CSMD1: variants seen among roughly 807,000 people sequenced by gnomAD.
The protein encoded by CSMD1 is CUB and sushi domain-containing protein 1.
In CSMD1, 213 loss-of-function variants were observed where a neutral mutation model predicts 417.5. The ratio of observed to expected loss-of-function variants is 0.51; its 90% CI spans 0.46 to 0.57. The LOEUF (loss-of-function observed/expected upper bound fraction) is 0.57. Ranked by LOEUF, CSMD1 falls within the 20% of genes least tolerant of loss-of-function variation. The pLI, the probability that CSMD1 is intolerant of heterozygous loss-of-function variation, is 0.00. For synonymous variants in CSMD1, 2,862 were observed against 1,736.8 expected (o/e 1.65, Z -16.11); for missense variants, 6,923 against 4,529.7 (o/e 1.53, Z -15.17).
intron 10 of CSMD1, among the ~76,000 whole-genome samples, chr8:3,538,367 C>G (rs1293325700): frequency 6.6e-6 from 1 of 152,034 alleles, no homozygotes; most frequent in South Asian, 2.1e-4. Context: ...GGATGATGCA[C>G]CTGGGATTCC....
intron 2 of CSMD1, among the ~76,000 whole-genome samples, chr8:4,612,707 G>T (rs1207280494): frequency 6.6e-6 from 1 of 152,174 alleles, no homozygotes; most frequent in Non-Finnish European, 1.5e-5. Flanking sequence ...CACTCTCAGG[G>T]TATGGAGGCT....
chr8:4,440,312 G>A (rs1010395039), intron 2 of CSMD1, among the ~76,000 whole-genome samples: 2 of 152,102 alleles, frequency 1.3e-5, no homozygotes, highest in Non-Finnish European at 2.9e-5. Context: ...GGAATCAGCT[G>A]GAAAGTCTAT....
intron 26 of CSMD1, among the ~76,000 whole-genome samples, chr8:3,264,463 C>T (rs150124027): frequency 2.2e-4 from 33 of 152,174 alleles, no homozygotes; most frequent in African/African-American, 5.3e-4. Flanking sequence ...CAGTTTGAAT[C>T]GAGTGAGGTG....
chr8:3,908,411 T>C (rs1204336028), intron 5 of CSMD1, among the ~76,000 whole-genome samples: 2 of 152,212 alleles, frequency 1.3e-5, no homozygotes, highest in East Asian at 3.8e-4. Context: ...ATCAGCATTC[T>C]GTGGGAATGT....
chr8:3,700,860 G>T (rs550598403), intron 7 of CSMD1, among the ~76,000 whole-genome samples: 1 of 152,162 alleles, frequency 6.6e-6, no homozygotes, highest in African/African-American at 2.4e-5. Context: ...GACGGGAAAC[G>T]TTTGAGGGTC....
chr8:3,895,454 T>C (rs1312559633), intron 5 of CSMD1, among the ~76,000 whole-genome samples: 1 of 152,134 alleles, frequency 6.6e-6, no homozygotes, highest in African/African-American at 2.4e-5. Context: ...AATGTTTAAA[T>C]CTTAGCAGAC....
At chr8:4,313,728 G>A (rs1032120904) in intron 3 of CSMD1, among the ~76,000 whole-genome samples, 1 of 152,010 alleles carries the variant, frequency 6.6e-6, no homozygotes, top group Non-Finnish European at 1.5e-5. Context: ...AAAAAAAGCA[G>A]AACTAGGCCG....
At chr8:3,503,668 C>A (rs1459372971) in intron 10 of CSMD1, among the ~76,000 whole-genome samples, 2 of 152,184 alleles carry the variant, frequency 1.3e-5, no homozygotes, top group South Asian at 4.1e-4. Context: ...GAGAATTAGT[C>A]TCAGCTCAAG....
At chr8:4,986,886 T>G (rs568258174) in intron 1 of CSMD1, among the ~76,000 whole-genome samples, 2 of 152,310 alleles carry the variant, frequency 1.3e-5, no homozygotes, top group South Asian at 4.1e-4. Flanking sequence ...GAAAACGTTA[T>G]TAGATTTTGA....
chr8:4,613,287 C>T (rs923283673), intron 2 of CSMD1, among the ~76,000 whole-genome samples: 2 of 152,180 alleles, frequency 1.3e-5, no homozygotes, highest in African/African-American at 2.4e-5. Context: ...GCCATCCATG[C>T]TCCGAGTGCC....
At chr8:4,613,598 T>C (rs1214604996) in intron 2 of CSMD1, among the ~76,000 whole-genome samples, 1 of 152,170 alleles carries the variant, frequency 6.6e-6, no homozygotes, top group African/African-American at 2.4e-5. Context: ...CTTGGACTTT[T>C]TTCACCCTCT....
chr8:3,480,527 AT>A (rs1469462317), intron 11 of CSMD1, among the ~76,000 whole-genome samples: 4 of 152,224 alleles, frequency 2.6e-5, no homozygotes, highest in African/African-American at 9.6e-5. Context: ...ATTTAAAAAA[AT>A]AATTGCTGAA....
chr8:4,358,124 C>G (rs969212392), intron 3 of CSMD1, among the ~76,000 whole-genome samples: 4 of 152,054 alleles, frequency 2.6e-5, no homozygotes, highest in East Asian at 3.9e-4. Flanking sequence ...TTAATTTATT[C>G]TCAAAATTTA....
intron 2 of CSMD1, among the ~76,000 whole-genome samples, chr8:4,483,128 G>A (rs1477978875): frequency 6.6e-6 from 1 of 152,068 alleles, no homozygotes; most frequent in Non-Finnish European, 1.5e-5. Flanking sequence ...TCTCCTGGTG[G>A]TGGATAAGTC....
At chr8:4,791,509 C>T (rs569380301) in intron 1 of CSMD1, among the ~76,000 whole-genome samples, 1 of 152,262 alleles carries the variant, frequency 6.6e-6, no homozygotes, top group South Asian at 2.1e-4. Flanking sequence ...AACAAACAAT[C>T]CAATCCCCTA....
At chr8:4,948,868 T>C (rs1808546709) in intron 1 of CSMD1, among the ~76,000 whole-genome samples, 1 of 152,146 alleles carries the variant, frequency 6.6e-6, no homozygotes, top group Non-Finnish European at 1.5e-5. Context: ...AATCTTTTCA[T>C]TCCGATTTTA....
intron 61 of CSMD1, among the ~76,000 whole-genome samples, 188 bp from the exon 62 acceptor site, chr8:2,961,402 T>A (rs10216423): frequency 0.036 from 5,548 of 152,276 alleles, 318 homozygotes; most frequent in African/African-American, 0.13. Context: ...GTTTTTTAGA[T>A]GTTAACTTTT....
chr8:4,147,288 A>G (rs1393563318), intron 3 of CSMD1, among the ~76,000 whole-genome samples: 1 of 152,068 alleles, frequency 6.6e-6, no homozygotes, highest in Non-Finnish European at 1.5e-5. Flanking sequence ...AATTCCATAC[A>G]AAGTTCCCAG....
chr8:4,618,026 G>C (rs1563338959), intron 2 of CSMD1, among the ~76,000 whole-genome samples: 1 of 152,128 alleles, frequency 6.6e-6, no homozygotes, highest in Non-Finnish European at 1.5e-5. Flanking sequence ...TTTTACTTTA[G>C]AGATCACTTA....
Sources: allele counts gnomAD v4.1 joint callset (sites outside exome capture counted in the v4.1 genomes callset), GRCh38; gene constraint gnomAD v4.1.1; transcripts MANE v1.5; gene names NCBI Gene and HGNC (gene_info 2026-07-23, HGNC 2026-07-21).